Variants in NFE2L3 observed in about 807,000 individuals in gnomAD.
The protein encoded by NFE2L3 is NFE2 like bZIP transcription factor 3.
In NFE2L3, 18 loss-of-function variants were observed where a neutral mutation model predicts 23.5. That is an observed-to-expected ratio of 0.77 (90% confidence interval 0.53 to 1.13). The LOEUF (loss-of-function observed/expected upper bound fraction) is 1.13, where lower values mean the gene tolerates loss of function less well. NFE2L3 is among the 50% of genes most tolerant of loss of function. NFE2L3 has a pLI of 0.00. For synonymous variants in NFE2L3, 424 were observed against 354.5 expected, an observed-to-expected ratio of 1.20 and a Z score of -2.20; for missense variants, 1,152 against 877.2, an observed-to-expected ratio of 1.31 and a Z score of -3.96.
intron 1 of NFE2L3, among the ~76,000 whole-genome samples, chr7:26,155,903 T>C (rs1784074553): frequency 6.6e-6 from 1 of 152,122 alleles, no homozygotes; most frequent in African/African-American, 2.4e-5. Context: ...GCTGATTAAG[T>C]GGGAAAAGCC....
In NFE2L3 at chr7:26,184,690, C is replaced by T; in HGVS notation, c.992C>T (p.Pro331Leu). ...CCCAACAATACATTTAGAAGAGATC[C>T]AACAGCAAGGACTTCACAGTCACAA... ...LCPNNTFRRD[P>L]TARTSQSQEP... Residue 331 changes from proline to leucine, a missense_variant, in exon 4 of 4, where the codon CCA becomes CTA. Physicochemically the swap from Pro to Leu is moderately conservative, Grantham distance 98. Transcript: ENST00000056233. 2 of 1,613,852 alleles carry T rather than the reference C, an allele frequency of 1.2e-6. No homozygotes were observed. Among genetic ancestry groups the T allele is most frequent in the African/African-American group, 1.3e-5 (1 of 75,006 alleles).
intron 2 of NFE2L3, among the ~76,000 whole-genome samples, chr7:26,180,854 ATCAT>A (rs1162529188): frequency 6.6e-6 from 1 of 152,058 alleles, no homozygotes; most frequent in Non-Finnish European, 1.5e-5. Flanking sequence ...AAACATATTA[ATCAT>A]TCAAAGCCAG....
At chr7:26,162,711 A>AT (rs1784192077) in intron 1 of NFE2L3, among the ~76,000 whole-genome samples, 1 of 148,606 alleles carries the variant, frequency 6.7e-6, no homozygotes, top group African/African-American at 2.5e-5. Flanking sequence ...AGTTTAGACT[A>AT]TTTCTTTTTT....
At chr7:26,169,704 C>CA (rs1289939386) in intron 1 of NFE2L3, among the ~76,000 whole-genome samples, 1 of 152,194 alleles carries the variant, frequency 6.6e-6, no homozygotes, top group Non-Finnish European at 1.5e-5. Context: ...TGAATGAATA[C>CA]AGGAAGGACC....
Position 26,183,761 on chromosome 7 carries a change from T to TCA in NFE2L3, c.814_815dup (p.Gln272HisfsTer25). On this transcript the variant is annotated frameshift_variant, in exon 3 of 4. Coordinates refer to ENST00000056233, the MANE Select transcript of NFE2L3 (RefSeq NM_004289.7). LOFTEE classifies it low-confidence loss of function (END_TRUNC). ...GGAAGACTTATTCCAGTTGCTTTCA[T>TCA]CACAGCCTGAAAATTCACTGGAGGT... The TCA allele has an allele frequency of 3.1e-6, 5 of 1,613,142 alleles. No homozygotes were observed. Among genetic ancestry groups the TCA allele is most frequent in the Non-Finnish European group, 4.2e-6 (5 of 1,179,068 alleles).
intron 1 of NFE2L3, among the ~76,000 whole-genome samples, chr7:26,158,892 A>G (rs1046207852): frequency 1.2e-4 from 19 of 152,222 alleles, no homozygotes; most frequent in African/African-American, 4.6e-4. Flanking sequence ...TATCCGTAAA[A>G]TGGAATAGTA....
intron 1 of NFE2L3, among the ~76,000 whole-genome samples, chr7:26,161,335 CTTTTTTTT>C (rs914055111): frequency 1.0e-4 from 7 of 69,578 alleles, no homozygotes; most frequent in Admixed American, 2.1e-4. Context: ...GCTTCTCTCT[CTTTTTTTT>C]TTTTTTTTTT....
chr7:26,160,250 C>T (rs1241474491), intron 1 of NFE2L3, among the ~76,000 whole-genome samples: 1 of 152,156 alleles, frequency 6.6e-6, no homozygotes, highest in Non-Finnish European at 1.5e-5. Flanking sequence ...AGCCACCGCA[C>T]CCGGCTGGAT....
chr7:26,181,597 TGAAAA>T (rs756484726), intron 2 of NFE2L3, among the ~76,000 whole-genome samples: 16 of 152,118 alleles, frequency 1.1e-4, no homozygotes, highest in Admixed American at 5.2e-4. Flanking sequence ...CACTGGTTCT[TGAAAA>T]GAAAAATGCA....
Position 26,185,937 on chromosome 7 carries a change from A to T in NFE2L3, c.*154A>T. 1 of 665,640 alleles carries T rather than the reference A, an allele frequency of 1.5e-6. No individual in the cohort carries two copies. The highest frequency in any genetic ancestry group is 2.4e-6 in the Non-Finnish European group (1 of 413,062). 41.2% of individuals were successfully genotyped at this position (665,640 alleles called of 1,614,324 possible). Reference sequence around the variant, plus strand: ...ACGCTGTTTTGAAGCTTACATGGACAAATGTTTAGGACTTCAAGATCACAC... The same window carrying T: ...ACGCTGTTTTGAAGCTTACATGGACTAATGTTTAGGACTTCAAGATCACAC... On this transcript the variant is annotated 3_prime_UTR_variant, in exon 4 of 4. Transcript: ENST00000056233.
At chr7:26,169,434 T>C (rs1784301922) in intron 1 of NFE2L3, among the ~76,000 whole-genome samples, 1 of 152,216 alleles carries the variant, frequency 6.6e-6, no homozygotes, top group Non-Finnish European at 1.5e-5. Context: ...CTTGTCTCTT[T>C]ACCCTCGCCT....
chr7:26,165,199 G>A (rs1784229775), intron 1 of NFE2L3, among the ~76,000 whole-genome samples: 1 of 152,220 alleles, frequency 6.6e-6, no homozygotes, highest in African/African-American at 2.4e-5. Flanking sequence ...GTCATTGGTA[G>A]CTTGATGGGG....
At chr7:26,181,781 AAAAG>A (rs2128100092) in intron 2 of NFE2L3, among the ~76,000 whole-genome samples, 1 of 152,330 alleles carries the variant, frequency 6.6e-6, no homozygotes, top group Non-Finnish European at 1.5e-5. Flanking sequence ...CTATCATGAA[AAAAG>A]AAAAAGATCT....
intron 1 of NFE2L3, among the ~76,000 whole-genome samples, chr7:26,164,974 T>C (rs1376851782): frequency 2.0e-5 from 3 of 152,246 alleles, no homozygotes; most frequent in Admixed American, 6.5e-5. Flanking sequence ...TGTGGCATTA[T>C]TTCTGAGGGC....
Position 26,152,852 on chromosome 7 carries a change from C to G in NFE2L3, c.354C>G (p.Ala118=), listed in dbSNP as rs752868178. ...VDAWLVHSVA[A]GSADEAHGLL... ...CATGGCTGGTGCACAGCGTGGCTGC[C>G]GGGAGCGCGGACGAGGCCCACGGGC... The change falls in exon 1 of 4, where the codon GCC becomes GCG. Residue 118 remains alanine, a synonymous_variant. Transcript: ENST00000056233. The surrounding 1 kb of genome is among the most constrained non-coding windows in gnomAD (Gnocchi z 4.4). The G allele has an allele frequency of 8.9e-5, 131 of 1,473,052 alleles. 1 individual carries two copies. The Middle Eastern group carries it at 9.5e-4, about 11-fold the overall frequency. The allele number at this position is 1,473,052 out of a possible 1,614,324, so 91.2% of individuals were successfully genotyped here.
At chr7:26,184,390 A>T (rs1583941287) in intron 3 of NFE2L3, 143 bp from the exon 4 acceptor site, 1 of 697,054 alleles carries the variant, frequency 1.4e-6, no homozygotes, top group Non-Finnish European at 2.4e-6. Context: ...GCCTGTATTT[A>T]ACTAGGAAGT....
intron 2 of NFE2L3, among the ~76,000 whole-genome samples, chr7:26,181,371 ATGAGTTAGACCAG>A (rs1461687082): frequency 6.6e-6 from 1 of 152,186 alleles, no homozygotes; most frequent in Non-Finnish European, 1.5e-5. Context: ...TAAAACAGAA[ATGAGTTAGACCAG>A]TGAATCACTG....
intron 1 of NFE2L3, chr7:26,173,648 GA>G (rs1447623806): frequency 2.0e-5 from 3 of 152,194 alleles, no homozygotes; most frequent in Non-Finnish European, 4.4e-5. Flanking sequence ...TCCTTCCCCA[GA>G]TTTATATAGG....
At chr7:26,154,637 A>G (rs1248191162) in intron 1 of NFE2L3, among the ~76,000 whole-genome samples, 5 of 151,934 alleles carry the variant, frequency 3.3e-5, no homozygotes, top group African/African-American at 7.3e-5. Context: ...TGCAGCCTCA[A>G]CCTCCCCGGC....
Sources: allele counts gnomAD v4.1 joint callset (sites outside exome capture counted in the v4.1 genomes callset), GRCh38; gene constraint gnomAD v4.1.1; non-coding constraint Gnocchi (gnomAD v3.1); transcripts MANE v1.5; gene names NCBI Gene and HGNC (gene_info 2026-07-23, HGNC 2026-07-21).